The following SLC6A13 variants were observed in gnomAD, a reference collection of about 807,000 sequenced individuals.
The protein encoded by SLC6A13 is sodium- and chloride-dependent GABA transporter 2.
SLC6A13 carries 69 observed loss-of-function variants against 72.9 expected under a neutral mutation model. That is an observed-to-expected ratio of 0.95 (90% confidence interval 0.78 to 1.16). The LOEUF (loss-of-function observed/expected upper bound fraction) is 1.16, where lower values mean the gene tolerates loss of function less well. SLC6A13 is among the 50% of genes most tolerant of loss of function. The probability of loss-of-function intolerance (pLI) is 0.00; values close to 1 mark genes in which losing one functional copy is unlikely to be tolerated. For missense variants in SLC6A13, 735 were observed against 760.5 expected (o/e 0.97, Z 0.39); for synonymous variants, 303 against 303.0 (o/e 1.00, Z 0.00).
chr12:231,488 G>A (rs1410267094), intron 7 of SLC6A13, among the ~76,000 whole-genome samples: 1 of 152,096 alleles, frequency 6.6e-6, no homozygotes, highest in Non-Finnish European at 1.5e-5. Context: ...CCCCCACCCT[G>A]CAGGTGCTGC....
At position 222,623 on chromosome 12, in the gene SLC6A13, C is replaced by A. The variant is rs139777154; in HGVS notation, c.1424G>T (p.Arg475Leu). The A allele has an allele frequency of 1.9e-6, 3 of 1,602,798 alleles. No individual in the cohort carries two copies. The highest frequency in any genetic ancestry group is 2.7e-5 in the African/African-American group (2 of 74,728). The change falls in exon 13 of 15, where the codon CGC becomes CTC. Residue 475 changes from arginine (R) to leucine (L), a missense_variant. Arg to Leu is a moderately radical substitution (Grantham distance 102, BLOSUM62 -2). Coordinates refer to ENST00000343164, the MANE Select transcript of SLC6A13 (RefSeq NM_016615.5). ...LCVAWVYGAK[R>L]FYDNIEDMIG... is the part of the protein sequence containing the mutation. ...CATGTCTTCGATGTTGTCGTAGAAG[C>A]GCTTGGCTCCTACCATGGAGAAAAG...
intron 2 of SLC6A13, among the ~76,000 whole-genome samples, chr12:252,010 TG>T (rs1253294645): frequency 6.6e-6 from 1 of 151,956 alleles, no homozygotes; most frequent in Admixed American, 6.6e-5. Context: ...AAACACAGAA[TG>T]AAAAAAATAG....
rs956065628 is a variant in SLC6A13, at chr12:222,564, A to G, written c.1483T>C (p.Cys495Arg). 4 of 1,609,986 alleles carry G rather than the reference A, an allele frequency of 2.5e-6. No homozygotes were observed. The highest frequency in any genetic ancestry group is 2.5e-6 in the Non-Finnish European group (3 of 1,177,742). ...GYRPWPLIKY[C>R]WLFLTPAVCT... is the part of the protein sequence containing the mutation. ...ACAGCTGGTGTGAGGAAGAGCCAAC[A>G]GTATTTGATAAGAGGCCATGGCCTG... Residue 495 changes from cysteine (C) to arginine (R), a missense_variant, in exon 13 of 15, where the codon TGT becomes CGT. Transcript: ENST00000343164.
chr12:262,613 T>C (rs1248064946), intron 1 of SLC6A13, 176 bp downstream of exon 1: 48 of 858,676 alleles, frequency 5.6e-5, no homozygotes, highest in Non-Finnish European at 6.3e-5. Flanking sequence ...GCCACCCAAG[T>C]TTCAGAAAGT....
At chr12:248,331 G>T (rs542170309) in intron 2 of SLC6A13, among the ~76,000 whole-genome samples, 1 of 151,462 alleles carries the variant, frequency 6.6e-6, no homozygotes. Context: ...TGAACCCCGG[G>T]GGGCGGAGCA....
chr12:243,596 T>G, intron 3 of SLC6A13, 83 bp downstream of exon 3: 1 of 1,373,274 alleles, frequency 7.3e-7, no homozygotes, highest in Non-Finnish European at 1.0e-6. Flanking sequence ...ACCTCAGAAC[T>G]GCTACTAATC....
At chr12:248,167 G>A (rs535038547) in intron 2 of SLC6A13, among the ~76,000 whole-genome samples, 1 of 152,092 alleles carries the variant, frequency 6.6e-6, no homozygotes, top group African/African-American at 2.4e-5. Context: ...CAAATAAAAG[G>A]CAGAGATTGT....
At chr12:224,808 A>G (rs1941372931) in intron 9 of SLC6A13, among the ~76,000 whole-genome samples, 1 of 152,370 alleles carries the variant, frequency 6.6e-6, no homozygotes, top group African/African-American at 2.4e-5. Flanking sequence ...TCTATTGCAC[A>G]GACCTGAGGT....
intron 7 of SLC6A13, among the ~76,000 whole-genome samples, chr12:229,080 G>A (rs1386563740): frequency 6.6e-6 from 1 of 152,164 alleles, no homozygotes; most frequent in Non-Finnish European, 1.5e-5. Flanking sequence ...GTCCTGAGGT[G>A]GTCTGTGAGG....
intron 2 of SLC6A13, among the ~76,000 whole-genome samples, chr12:256,190 T>G (rs1337177889): frequency 6.6e-6 from 1 of 152,214 alleles, no homozygotes; most frequent in African/African-American, 2.4e-5. Flanking sequence ...TCCTCTAGAA[T>G]GTATGCCCTA....
At chr12:250,925 G>A (rs557759330) in intron 2 of SLC6A13, among the ~76,000 whole-genome samples, 35 of 151,626 alleles carry the variant, frequency 2.3e-4, no homozygotes, top group African/African-American at 8.2e-4. Context: ...GGGAGGCCAA[G>A]GTGGGTGGAT....
chr12:221,598 C>T (rs1334912672), intron 13 of SLC6A13, 52 bp from the exon 14 acceptor site: 1 of 1,230,340 alleles, frequency 8.1e-7, no homozygotes, highest in Non-Finnish European at 1.1e-6. Context: ...GCCTTGTGCC[C>T]TCAGCTCCCC....
chr12:244,692 CA>C (rs937295333), intron 2 of SLC6A13, among the ~76,000 whole-genome samples: 34 of 142,100 alleles, frequency 2.4e-4, no homozygotes, highest in East Asian at 4.0e-4. Context: ...AGACCCTGTC[CA>C]AAAAAAAAAA....
chr12:260,892 CT>C (rs1942903959), intron 1 of SLC6A13, among the ~76,000 whole-genome samples: 1 of 151,996 alleles, frequency 6.6e-6, no homozygotes, highest in South Asian at 2.1e-4. Context: ...ATGTGTTTTA[CT>C]TTTGTAATAT....
intron 2 of SLC6A13, among the ~76,000 whole-genome samples, chr12:250,846 A>AAAAAAC: frequency 6.6e-6 from 1 of 150,470 alleles, no homozygotes; most frequent in Non-Finnish European, 1.5e-5. Context: ...AAAAAAAAAA[A>AAAAAAC]AAAAAACCTA....
chr12:252,426 T>A (rs1383673212), intron 2 of SLC6A13, among the ~76,000 whole-genome samples: 1 of 152,238 alleles, frequency 6.6e-6, no homozygotes, highest in Non-Finnish European at 1.5e-5. Flanking sequence ...ATTGTGGCAG[T>A]GGTTTCATGC....
At chr12:261,771 C>CA (rs1942933806) in intron 1 of SLC6A13, among the ~76,000 whole-genome samples, 1 of 151,976 alleles carries the variant, frequency 6.6e-6, no homozygotes, top group African/African-American at 2.4e-5. Flanking sequence ...ACGAAAAGTA[C>CA]AAAAATTAGC....
At chr12:240,787 T>A (rs1942137737) in intron 4 of SLC6A13, among the ~76,000 whole-genome samples, 1 of 152,180 alleles carries the variant, frequency 6.6e-6, no homozygotes, top group Admixed American at 6.5e-5. Context: ...CAAGGTTTAC[T>A]TTCCCTTTGA....
intron 7 of SLC6A13, among the ~76,000 whole-genome samples, chr12:231,781 T>C (rs1427239093): frequency 2.6e-5 from 4 of 152,226 alleles, no homozygotes; most frequent in Admixed American, 2.0e-4. Flanking sequence ...CCACCTTCTT[T>C]ATGTTTTCTG....
Sources: gnomAD v4.1 joint callset for allele counts (sites outside exome capture counted in the v4.1 genomes callset) on GRCh38, gnomAD v4.1.1 for gene constraint, MANE v1.5 for transcripts, NCBI Gene and HGNC (gene_info 2026-07-23, HGNC 2026-07-21) for gene names.